G3BP1: variants seen among roughly 807,000 people sequenced by gnomAD.
G3BP1 encodes the protein ras GTPase-activating protein-binding protein 1.
Under a neutral mutation model 58.6 loss-of-function variants are expected in G3BP1, and 35 were observed. The observed-to-expected ratio is 0.60, with a 90% CI of 0.46 to 0.79. The LOEUF is 0.79. Among genes scored for constraint, G3BP1 ranks in the 30% least tolerant of loss-of-function variants. The pLI is 0.00. For missense variants in G3BP1, 523 were observed against 580.8 expected (o/e 0.90, Z 1.02); for synonymous variants, 191 against 195.4 (o/e 0.98, Z 0.19).
Position 151,808,603 on chromosome 5 carries a change from A to C in G3BP1, c.*4512A>C, listed in dbSNP as rs771551625. On this transcript the variant is annotated 3_prime_UTR_variant, in exon 12 of 12. Coordinates refer to ENST00000356245, the MANE Select transcript of G3BP1 (RefSeq NM_005754.3). ...GAATCTGTTCAACTATTCCTTTAAT[A>C]AATCATGTGACTTGGCCAATTACAG... 4 of 152,236 alleles carry C rather than the reference A, an allele frequency of 2.6e-5. No homozygotes were observed. Among genetic ancestry groups the C allele is most frequent in the Non-Finnish European group, 5.9e-5 (4 of 68,040 alleles). The allele number at this position is 152,236 out of a possible 1,614,324, so 9.4% of individuals were successfully genotyped here.
chr5:151,804,083 C>A lies in G3BP1; in HGVS notation c.1393C>A (p.Arg465=). ...TGGAGTGGGAAGGGGGCTTGCGCCA[C>A]GGCAGTGAATCTTCATGGATCTTCA... is the stretch of plus-strand genomic sequence containing the variant. The part of the protein sequence containing the change: ...GFGVGRGLAP[R]Q Residue 465 remains arginine (R), a synonymous_variant, in exon 12 of 12, where the codon CGG becomes AGG. Transcript: ENST00000356245. 6.3e-7 allele frequency: 1 copy of A among 1,597,098 alleles called. No homozygotes were observed. Among genetic ancestry groups the A allele is most frequent in the Admixed American group, 1.7e-5 (1 of 57,970 alleles).
intron 2 of G3BP1, among the ~76,000 whole-genome samples, chr5:151,788,572 ATGTGTGTGTGTGTGTGTGTG>A (rs10634385): frequency 9.8e-5 from 13 of 133,328 alleles, no homozygotes; most frequent in South Asian, 2.5e-4. Flanking sequence ...CTAAGTTTAT[ATGTGTGTGTGTGTGTGTGTG>A]TGTGTGTGTG....
Position 151,790,073 on chromosome 5 carries a change from C to T in G3BP1, c.96-250C>T, listed in dbSNP as rs949907086. Among the ~76,000 whole-genome samples the T allele has an allele frequency of 1.7e-4, 25 of 145,262 alleles. 1 individual carries two copies. Among genetic ancestry groups the T allele is most frequent in the African/African-American group, 6.5e-4 (25 of 38,578 alleles). The stretch of plus-strand genomic sequence containing the variant: ...CTGTAGTTCCAGCTACTTTGGGAAG[C>T]TGAGGTGCCATTGCACTCCAGCCTG... On this transcript the variant is annotated intron_variant, in intron 2 of 11. Transcript: ENST00000356245.
chr5:151,773,170 CT>C (rs34394231), intron 1 of G3BP1, among the ~76,000 whole-genome samples: 1 of 151,394 alleles, frequency 6.6e-6, no homozygotes. Flanking sequence ...TTTTTCTCTA[CT>C]TTTTTTTTAA....
Position 151,812,019 on chromosome 5 carries a change from A to G in G3BP1, c.*7928A>G, listed in dbSNP as rs567003387. On this transcript the variant is annotated 3_prime_UTR_variant, in exon 12 of 12. Transcript: ENST00000356245. ...TTGGCTAGCTGTCAGAGTTGCCGCT[A>G]TGTGAGCTTGTGACTTCTGGTCTGG... 30 of 152,314 alleles carry G rather than the reference A, an allele frequency of 2.0e-4. 1 individual carries two copies. Among genetic ancestry groups the G allele is most frequent in the African/African-American group, 7.2e-4 (30 of 41,572 alleles). 9.4% of individuals were successfully genotyped at this position (152,314 alleles called of 1,614,324 possible). A position where few individuals can be genotyped will look rare whatever the true frequency, so the allele number is the denominator to read the frequency against.
chr5:151,788,279 A>G (rs1762585203), intron 2 of G3BP1, among the ~76,000 whole-genome samples: 2 of 152,124 alleles, frequency 1.3e-5, no homozygotes, highest in Admixed American at 1.3e-4. Context: ...CTTTACTGAA[A>G]GGTAGGGCAT....
intron 9 of G3BP1, 66 bp downstream of exon 9, chr5:151,800,066 C>A (rs965590172): frequency 3.3e-6 from 4 of 1,198,552 alleles, no homozygotes; most frequent in Non-Finnish European, 4.8e-6. Flanking sequence ...TTTGGGAGGG[C>A]AGTTGATATT....
intron 6 of G3BP1, among the ~76,000 whole-genome samples, chr5:151,796,772 A>C (rs1481681404): frequency 6.6e-6 from 1 of 152,180 alleles, no homozygotes. Flanking sequence ...TGTTAACTGT[A>C]TAGATGTGGT....
chr5:151,786,810 G>A (rs922333288), intron 2 of G3BP1, 95 bp downstream of exon 2: 2 of 798,656 alleles, frequency 2.5e-6, no homozygotes, highest in African/African-American at 1.7e-5. Flanking sequence ...TGCTTTGTAG[G>A]GTTGTTGCAT....
intron 11 of G3BP1, 147 bp from the exon 12 acceptor site, chr5:151,803,738 C>G: frequency 5.4e-6 from 3 of 557,700 alleles, no homozygotes; most frequent in South Asian, 4.7e-5. Flanking sequence ...TCGTAATCCA[C>G]CCGTCTCGGC....
Position 151,791,009 on chromosome 5 carries a change from A to G in G3BP1, c.298A>G (p.Asn100Asp), listed in dbSNP as rs1234789104. 2 of 1,613,670 alleles carry G rather than the reference A, an allele frequency of 1.2e-6. No homozygotes were observed. The highest frequency in any genetic ancestry group is 8.5e-7 in the Non-Finnish European group (1 of 1,179,824). The change falls in exon 4 of 12, where the codon AAC (asparagine) becomes GAC (aspartate). Residue 100 changes from asparagine (N) to aspartate (D), a missense_variant. Physicochemically the swap from Asn to Asp is conservative, Grantham distance 23. Coordinates refer to ENST00000356245, the MANE Select transcript of G3BP1 (RefSeq NM_005754.3). ...AGTCCAGGTGATGGGGCTTCTCTCTAACAACAACCAGGCTTTGAGGAGATT... is the reference window on the plus strand; with the variant it reads ...AGTCCAGGTGATGGGGCTTCTCTCTGACAACAACCAGGCTTTGAGGAGATT... ...VVVQVMGLLS[N>D]NNQALRRFMQ...
Position 151,799,374 on chromosome 5 carries a change from C to G in G3BP1, c.843+61C>G, listed in dbSNP as rs1383967160. The G allele has an allele frequency of 1.1e-5, 10 of 875,546 alleles. No individual in the cohort carries two copies. In the East Asian group the frequency reaches 2.2e-4, roughly 19 times the overall value. The allele number at this position is 875,546 out of a possible 1,614,324, so 54.2% of individuals were successfully genotyped here. ...TTACTTCTATTGTGGTAATTTGATT[C>G]AACAGAGGTTTAGAGAATGTGAAAA... On this transcript the variant is annotated intron_variant, in intron 8 of 11. Coordinates refer to ENST00000356245, the MANE Select transcript of G3BP1 (RefSeq NM_005754.3).
chr5:151,791,923 G>A, intron 4 of G3BP1: 1 of 351,030 alleles, frequency 2.8e-6, no homozygotes, highest in Non-Finnish European at 5.6e-6. Context: ...TCCGAAAGTG[G>A]GATTACAGGT....
At chr5:151,800,559 T>C (rs1762832827) in intron 10 of G3BP1, among the ~76,000 whole-genome samples, 1 of 152,216 alleles carries the variant, frequency 6.6e-6, no homozygotes, top group Admixed American at 6.5e-5. Context: ...TATTTTACAC[T>C]TTTTCATAAT....
intron 2 of G3BP1, among the ~76,000 whole-genome samples, chr5:151,788,027 C>T (rs961181991): frequency 2.6e-5 from 4 of 151,364 alleles, no homozygotes; most frequent in African/African-American, 9.7e-5. Context: ...TGGGCTCAGA[C>T]GATCCTCCCA....
chr5:151,809,136 A>G lies in G3BP1; in HGVS notation c.*5045A>G, dbSNP rs776378320. ...GGCTGCAGTGAGTTATGATCATACC[A>G]CTGCACTCTAACCTGGGTGACAGAG... On this transcript the variant is annotated 3_prime_UTR_variant, in exon 12 of 12. Transcript: ENST00000356245. The G allele has an allele frequency of 6.6e-6, 1 of 152,240 alleles. No individual in the cohort carries two copies. Among genetic ancestry groups the G allele is most frequent in the Non-Finnish European group, 1.5e-5 (1 of 68,064 alleles). The allele number at this position is 152,240 out of a possible 1,614,324, so 9.4% of individuals were successfully genotyped here.
chr5:151,784,694 A>T (rs1762529452), intron 1 of G3BP1, among the ~76,000 whole-genome samples: 1 of 152,140 alleles, frequency 6.6e-6, no homozygotes, highest in Admixed American at 6.5e-5. Flanking sequence ...GAAGCAGTAT[A>T]CTTTCATTTT....
chr5:151,804,896 A>G lies in G3BP1; in HGVS notation c.*805A>G, dbSNP rs954013238. The stretch of plus-strand genomic sequence containing the variant: ...CCAGAGCAAAACTGTTGTGCCTTCT[A>G]TTTATCTTTGATTTCAGTCTTGGCA... On this transcript the variant is annotated 3_prime_UTR_variant, in exon 12 of 12. Coordinates refer to ENST00000356245, the MANE Select transcript of G3BP1 (RefSeq NM_005754.3). The G allele has an allele frequency of 3.9e-5, 6 of 152,512 alleles. No individual in the cohort carries two copies. The highest frequency in any genetic ancestry group is 1.9e-4 in the East Asian group (1 of 5,190). The allele number at this position is 152,512 out of a possible 1,614,324, so 9.4% of individuals were successfully genotyped here.
chr5:151,795,413 G>T lies in G3BP1; in HGVS notation c.443-66G>T, dbSNP rs1267654351. ...TCTTCACTGTTGTTTTGTGAACATT[G>T]CGAAAGTTAATGTATATGTGAATTC... On this transcript the variant is annotated intron_variant, in intron 5 of 11. Transcript: ENST00000356245. 24 of 802,726 alleles carry T rather than the reference G, an allele frequency of 3.0e-5. No homozygotes were observed. In the Middle Eastern group the frequency reaches 7.2e-4, roughly 24 times the overall value. The allele number at this position is 802,726 out of a possible 1,614,324, so 49.7% of individuals were successfully genotyped here. A position where few individuals can be genotyped will look rare whatever the true frequency, so the allele number is the denominator to read the frequency against.
Sources: allele counts gnomAD v4.1 joint callset (sites outside exome capture counted in the v4.1 genomes callset), GRCh38; gene constraint gnomAD v4.1.1; transcripts MANE v1.5; gene names NCBI Gene and HGNC (gene_info 2026-07-23, HGNC 2026-07-21).